The following KRT222 variants were observed in gnomAD, a reference collection of about 807,000 sequenced individuals.
KRT222 encodes keratin 222, also known as keratin-like protein KRT222.
Under a neutral mutation model 35.0 loss-of-function variants are expected in KRT222, and 23 were observed. The observed-to-expected ratio is 0.66, with a 90% CI of 0.47 to 0.93. The LOEUF is 0.93. Among genes scored for constraint, KRT222 ranks in the 40% least tolerant of loss-of-function variants. The probability of loss-of-function intolerance (pLI) is 0.00; values close to 1 mark genes in which losing one functional copy is unlikely to be tolerated. For synonymous variants in KRT222, 108 were observed against 118.8 expected (o/e 0.91, Z 0.59); for missense variants, 339 against 346.3 (o/e 0.98, Z 0.17).
chr17:40,658,922 A>G (rs552772842), intron 3 of KRT222, among the ~76,000 whole-genome samples: 7 of 152,306 alleles, frequency 4.6e-5, no homozygotes, highest in Non-Finnish European at 8.8e-5. Context: ...CTTTTAAATC[A>G]TGACTCAAAA....
chr17:40,665,077 T>C lies in KRT222; in HGVS notation c.23A>G (p.Asn8Ser), dbSNP rs745811133. Residue 8 changes from asparagine to serine, a missense_variant, in exon 1 of 6, where the codon AAT (asparagine) becomes AGT (serine). Asn to Ser is a conservative substitution (Grantham distance 46). Coordinates refer to ENST00000394052, the MANE Select transcript of KRT222 (RefSeq NM_152349.3). MELSQLLNEIRANYEKIL... is the reference protein window; with the variant it reads MELSQLLSEIRANYEKIL... ...CTTTTCATAGTTTGCCCTGATCTCA[T>C]TGAGTAGCTGGGACAGTTCCATTCT... 38 of 1,613,908 alleles carry C rather than the reference T, an allele frequency of 2.4e-5. No homozygotes were observed. The highest frequency in any genetic ancestry group is 5.5e-5 in the South Asian group (5 of 91,082).
chr17:40,661,562 G>A (rs2037384150), intron 2 of KRT222, among the ~76,000 whole-genome samples: 1 of 152,182 alleles, frequency 6.6e-6, no homozygotes, highest in African/African-American at 2.4e-5. Flanking sequence ...CACAGTGTCA[G>A]CCTAAATATT....
rs935903316 is a variant in KRT222, at chr17:40,665,167, T to TCCC, written c.-69_-68insGGG. The TCCC allele has an allele frequency of 5.5e-6, 8 of 1,461,828 alleles. No homozygotes were observed. The highest frequency in any genetic ancestry group is 1.7e-4 in the Middle Eastern group (1 of 5,800). 90.6% of individuals were successfully genotyped at this position (1,461,828 alleles called of 1,614,324 possible). A position where few individuals can be genotyped will look rare whatever the true frequency, so the allele number is the denominator to read the frequency against. On this transcript the variant is annotated 5_prime_UTR_variant, in exon 1 of 6. Coordinates refer to ENST00000394052, the MANE Select transcript of KRT222 (RefSeq NM_152349.3). ...AGGATGAGTCGCTGCGGCAGTCTGC[T>TCCC]CGGTCTGCGCGGAAGGCAGGGAGCC... is the stretch of plus-strand genomic sequence containing the variant.
chr17:40,658,828 C>A (rs2037361687), intron 3 of KRT222, among the ~76,000 whole-genome samples: 1 of 152,072 alleles, frequency 6.6e-6, no homozygotes, highest in Admixed American at 6.6e-5. Flanking sequence ...AGCAATATGA[C>A]CTTATAAGTC....
chr17:40,664,156 A>T (rs1302875406), intron 1 of KRT222, among the ~76,000 whole-genome samples: 3 of 152,112 alleles, frequency 2.0e-5, no homozygotes, highest in Non-Finnish European at 4.4e-5. Flanking sequence ...AGATAACTTG[A>T]ACCCATATAT....
chr17:40,658,602 C>T (rs1203525575), intron 3 of KRT222, among the ~76,000 whole-genome samples: 1 of 152,128 alleles, frequency 6.6e-6, no homozygotes, highest in Admixed American at 6.5e-5. Context: ...CTGAGGCACA[C>T]AGAGGTTAAG....
chr17:40,654,853 T>A lies in KRT222; in HGVS notation c.*1549A>T, dbSNP rs914950939. 2 of 151,704 alleles carry A rather than the reference T, an allele frequency of 1.3e-5. No individual in the cohort carries two copies. The highest frequency in any genetic ancestry group is 2.9e-5 in the Non-Finnish European group (2 of 67,896). The allele number at this position is 151,704 out of a possible 1,614,324, so 9.4% of individuals were successfully genotyped here. On this transcript the variant is annotated 3_prime_UTR_variant, in exon 6 of 6. Transcript: ENST00000394052. Reference sequence around the variant, plus strand: ...CTTATGCAAGAATAAGCACTTAACATGCTGTTATATCCTTGACAAAACAAA... The same window carrying A: ...CTTATGCAAGAATAAGCACTTAACAAGCTGTTATATCCTTGACAAAACAAA...
rs2037368406 is a variant in KRT222, at chr17:40,659,530, C to T, written c.446+457G>A. 2.0e-5 allele frequency among the ~76,000 whole-genome samples: 3 copies of T among 152,086 alleles called. No homozygotes were observed. In the South Asian group the frequency reaches 6.2e-4, roughly 32 times the overall value. On this transcript the variant is annotated intron_variant, in intron 3 of 5. Coordinates refer to ENST00000394052, the MANE Select transcript of KRT222 (RefSeq NM_152349.3). ...TGTAATCCCAAACTCCTTAAGCAAT[C>T]CTCCTACCTTAGCCTCCCAAGTAGC...
At chr17:40,662,389 GAGGA>G (rs1349771034) in intron 1 of KRT222, among the ~76,000 whole-genome samples, 1 of 152,170 alleles carries the variant, frequency 6.6e-6, no homozygotes, top group African/African-American at 2.4e-5. Context: ...GGATCACTAG[GAGGA>G]AGGATTGAAA....
At position 40,661,962 on chromosome 17, in the gene KRT222, C is replaced by T. The variant is rs767766381; in HGVS notation, c.179G>A (p.Arg60His). 7 of 1,614,176 alleles carry T rather than the reference C, an allele frequency of 4.3e-6. No individual in the cohort carries two copies. Among genetic ancestry groups the T allele is most frequent in the Admixed American group, 3.3e-5 (2 of 60,020 alleles). Residue 60 changes from arginine (R) to histidine (H), a missense_variant, in exon 2 of 6, where the codon CGC (arginine) becomes CAC (histidine). Transcript: ENST00000394052. ...AAQAELKEARRQWHHLQVEIE... is the reference protein window; with the variant it reads ...AAQAELKEARHQWHHLQVEIE... ...TTCCACTTGCAGGTGGTGCCACTGG[C>T]GTCGGGCCTCCTTGAGTTCTGCTTG... is the stretch of plus-strand genomic sequence containing the variant.
In KRT222 at chr17:40,665,168, C is replaced by CGGTCT; in HGVS notation, c.-74_-70dup. 5 of 1,442,426 alleles carry CGGTCT rather than the reference C, an allele frequency of 3.5e-6. No homozygotes were observed. Among genetic ancestry groups the CGGTCT allele is most frequent in the Non-Finnish European group, 4.9e-6 (5 of 1,028,870 alleles). 89.4% of individuals were successfully genotyped at this position (1,442,426 alleles called of 1,614,324 possible). On this transcript the variant is annotated 5_prime_UTR_variant, in exon 1 of 6. Coordinates refer to ENST00000394052, the MANE Select transcript of KRT222 (RefSeq NM_152349.3). Reference sequence around the variant, plus strand: ...GGATGAGTCGCTGCGGCAGTCTGCTCGGTCTGCGCGGAAGGCAGGGAGCCT... The same window carrying CGGTCT: ...GGATGAGTCGCTGCGGCAGTCTGCTCGGTCTGGTCTGCGCGGAAGGCAGGGAGCCT...
At position 40,657,404 on chromosome 17, in the gene KRT222, T is replaced by C. The variant is rs139539661; in HGVS notation, c.607A>G (p.Ile203Val). The C allele has an allele frequency of 4.7e-5, 76 of 1,611,222 alleles. No individual in the cohort carries two copies. In the South Asian group the frequency reaches 5.2e-4, roughly 11 times the overall value. The stretch of plus-strand genomic sequence containing the variant: ...TCCTTAACGATACTCCCATTTAAGA[T>C]TGCCTGTTTGGTTACTGTTTCTACA... ...ENVETVTKQA[I>V]LNGSIVKEST... is the part of the protein sequence containing the mutation. The change falls in exon 5 of 6, where the codon ATC becomes GTC. Residue 203 changes from isoleucine (I) to valine (V), a missense_variant. By Grantham distance (29) the Ile-to-Val change is conservative (BLOSUM62 3). Coordinates refer to ENST00000394052, the MANE Select transcript of KRT222 (RefSeq NM_152349.3).
intron 3 of KRT222, among the ~76,000 whole-genome samples, chr17:40,659,610 G>C (rs2037368850): frequency 1.3e-5 from 2 of 152,068 alleles, no homozygotes; most frequent in African/African-American, 2.4e-5. Flanking sequence ...TTTTTGTACA[G>C]ATGAGGTCTC....
In KRT222 at chr17:40,659,856, T is replaced by C. The variant is rs181921235; in HGVS notation, c.446+131A>G. 1.1e-5 allele frequency: 8 copies of C among 756,208 alleles called. No homozygotes were observed. In the Admixed American group the frequency reaches 1.5e-4, roughly 14 times the overall value. 46.8% of individuals were successfully genotyped at this position (756,208 alleles called of 1,614,324 possible). ...TATATTCTTTGCAGTGCATACCTTA[T>C]TGTATGGGCTCAGTGAGTACACCAT... On this transcript the variant is annotated intron_variant, in intron 3 of 5. Coordinates refer to ENST00000394052, the MANE Select transcript of KRT222 (RefSeq NM_152349.3).
Position 40,660,163 on chromosome 17 carries a change from G to T in KRT222, c.270C>A (p.Tyr90Ter). The part of the protein sequence containing the change: ...ENSLHASEQH[Y>*]QMQLQDLETV... ...TCTCTAGGTCTTGCAGCTGCATCTGGTAATGCTGCTCGCTGGCATGTAGGG... is the reference window on the plus strand; with the variant it reads ...TCTCTAGGTCTTGCAGCTGCATCTGTTAATGCTGCTCGCTGGCATGTAGGG... Residue 90 changes from tyrosine to a stop codon, truncating the protein, a stop_gained, in exon 3 of 6, where the codon TAC (tyrosine) becomes TAA (stop). Coordinates refer to ENST00000394052, the MANE Select transcript of KRT222 (RefSeq NM_152349.3). LOFTEE classifies it high-confidence loss of function. 8 of 1,614,000 alleles carry T rather than the reference G, an allele frequency of 5.0e-6. No homozygotes were observed. The highest frequency in any genetic ancestry group is 6.8e-6 in the Non-Finnish European group (8 of 1,179,994).
chr17:40,657,542 A>C, intron 4 of KRT222, 55 bp from the exon 5 acceptor site: 1 of 1,500,400 alleles, frequency 6.7e-7, no homozygotes, highest in Non-Finnish European at 9.0e-7. Flanking sequence ...TACTGTTCAC[A>C]AATTATATTC....
intron 2 of KRT222, 137 bp from the exon 3 acceptor site, chr17:40,660,344 G>A (rs1312039828): frequency 3.1e-6 from 2 of 644,418 alleles, no homozygotes; most frequent in African/African-American, 1.9e-5. Flanking sequence ...GCAATGCCAT[G>A]ATCTCGGTTC....
intron 2 of KRT222, 90 bp from the exon 3 acceptor site, chr17:40,660,297 T>TGAGA: frequency 5.6e-6 from 6 of 1,070,544 alleles, no homozygotes; most frequent in Non-Finnish European, 6.8e-6. Flanking sequence ...TTTTTTTTTT[T>TGAGA]TGAGATGGAG....
chr17:40,661,474 C>T (rs1297167910), intron 2 of KRT222, among the ~76,000 whole-genome samples: 2 of 152,094 alleles, frequency 1.3e-5, no homozygotes, highest in Non-Finnish European at 2.9e-5. Flanking sequence ...TCATGTTGCT[C>T]AGGCTGGTCT....
Sources: gnomAD v4.1 joint callset for allele counts (sites outside exome capture counted in the v4.1 genomes callset) on GRCh38, gnomAD v4.1.1 for gene constraint, MANE v1.5 for transcripts, NCBI Gene and HGNC (gene_info 2026-07-23, HGNC 2026-07-21) for gene names.